The following WDR41 variants were observed in gnomAD, a reference collection of about 807,000 sequenced individuals.
WDR41 encodes the protein WD repeat domain 41, also known as WD repeat-containing protein 41.
A neutral mutation model predicts 69.3 loss-of-function variants in WDR41; 63 were observed. That is an observed-to-expected ratio of 0.91 (90% confidence interval 0.74 to 1.12). The LOEUF (loss-of-function observed/expected upper bound fraction) is 1.12. Ranked by LOEUF, WDR41 falls within the 50% of genes most tolerant of loss-of-function variation. The pLI is 0.00. For missense variants in WDR41, 543 were observed against 534.5 expected (o/e 1.02, Z -0.16); for synonymous variants, 185 against 192.1 (o/e 0.96, Z 0.31).
At chr5:77,544,833 T>C (rs1345481567) in intron 1 of WDR41, among the ~76,000 whole-genome samples, 1 of 152,070 alleles carries the variant, frequency 6.6e-6, no homozygotes, top group Non-Finnish European at 1.5e-5. Context: ...AATAGATATA[T>C]ACAGAACATT....
chr5:77,588,472 A>G (rs1366736785), intron 1 of WDR41, among the ~76,000 whole-genome samples: 2 of 152,212 alleles, frequency 1.3e-5, no homozygotes, highest in Admixed American at 6.5e-5. Context: ...CATAAGATAA[A>G]GATAAAGATT....
chr5:77,469,739 A>C (rs1283000169), intron 2 of WDR41, among the ~76,000 whole-genome samples: 1 of 91,898 alleles, frequency 1.1e-5, no homozygotes, highest in Non-Finnish European at 1.9e-5. Context: ...GAAAAAAAGG[A>C]TAAAAAGAAA....
In WDR41 at chr5:77,544,983, A is replaced by G. The variant is rs543116643; in HGVS notation, c.43-55411T>C. Among the ~76,000 whole-genome samples the G allele has an allele frequency of 4.6e-5, 7 of 152,286 alleles. No homozygotes were observed. The South Asian group carries it at 1.4e-3, about 32-fold the overall frequency. ...TGTAACAAGCACTCTCTCAGACCAC[A>G]GTGGAATAAAACTGGAAATCAACTC... On this transcript the variant is annotated intron_variant, in intron 1 of 5. Transcript: ENST00000509971.
chr5:77,610,910 C>A (rs2112340154), intron 1 of WDR41, among the ~76,000 whole-genome samples: 1 of 152,078 alleles, frequency 6.6e-6, no homozygotes, highest in South Asian at 2.1e-4. Context: ...TCAGGAAACC[C>A]ATCTCACGTG....
intron 1 of WDR41, among the ~76,000 whole-genome samples, chr5:77,512,718 C>A (rs986698243): frequency 1.4e-5 from 2 of 138,830 alleles, no homozygotes; most frequent in Non-Finnish European, 3.1e-5. Flanking sequence ...TGCACTCTAG[C>A]CTGGCGAGAG....
At chr5:77,471,824 T>C (rs1330242629) in intron 2 of WDR41, among the ~76,000 whole-genome samples, 1 of 152,126 alleles carries the variant, frequency 6.6e-6, no homozygotes, top group East Asian at 1.9e-4. Flanking sequence ...ACCAGATGGA[T>C]TCACAGCCGA....
At chr5:77,454,036 G>C in intron 5 of WDR41, 108 bp from the exon 6 acceptor site, 2 of 799,418 alleles carry the variant, frequency 2.5e-6, no homozygotes, top group South Asian at 1.6e-5. Flanking sequence ...TCACTAGGTG[G>C]AGCTTATTTC....
chr5:77,498,842 AG>A (rs1305514271), intron 1 of WDR41, among the ~76,000 whole-genome samples: 7 of 144,868 alleles, frequency 4.8e-5, no homozygotes, highest in African/African-American at 2.0e-4. Flanking sequence ...AAAAAGAAAA[AG>A]AAAAAAAGAA....
chr5:77,469,258 G>C (rs1016965736), intron 2 of WDR41, among the ~76,000 whole-genome samples: 1 of 152,124 alleles, frequency 6.6e-6, no homozygotes, highest in Non-Finnish European at 1.5e-5. Flanking sequence ...GGGGGTAGGG[G>C]GGAGGGATAG....
chr5:77,552,949 A>G (rs140761206), intron 1 of WDR41, among the ~76,000 whole-genome samples: 2,803 of 152,342 alleles, frequency 0.018, 58 homozygotes, highest in African/African-American at 0.055. Flanking sequence ...AGCAAAACAC[A>G]TGGAAGAAAG....
intron 1 of WDR41, among the ~76,000 whole-genome samples, chr5:77,553,262 T>C (rs1425703821): frequency 6.6e-6 from 1 of 152,192 alleles, no homozygotes; most frequent in Non-Finnish European, 1.5e-5. Context: ...CAGCATTTGG[T>C]ATCTGGTGAG....
At chr5:77,538,294 AACTTCC>A (rs760030237) in intron 1 of WDR41, among the ~76,000 whole-genome samples, 10 of 152,160 alleles carry the variant, frequency 6.6e-5, no homozygotes, top group Non-Finnish European at 8.8e-5. Flanking sequence ...TTTTCTAAAT[AACTTCC>A]ACTTCCACTT....
In WDR41 at chr5:77,457,996, A is replaced by G. The variant is rs902266711; in HGVS notation, c.411+1066T>C. Reference sequence around the variant, plus strand: ...GTTTACCAAAAGGAATTTCCCCCAAATACATTAAATTTTTTTCTCTTTGTT... The same window carrying G: ...GTTTACCAAAAGGAATTTCCCCCAAGTACATTAAATTTTTTTCTCTTTGTT... On this transcript the variant is annotated intron_variant, in intron 5 of 12. Transcript: ENST00000296679. 3.3e-5 allele frequency among the ~76,000 whole-genome samples: 5 copies of G among 152,050 alleles called. No homozygotes were observed. The East Asian group carries it at 5.8e-4, about 18-fold the overall frequency.
At chr5:77,447,393 G>A (rs1201807791) in intron 8 of WDR41, among the ~76,000 whole-genome samples, 1 of 152,134 alleles carries the variant, frequency 6.6e-6, no homozygotes. Context: ...AATACCATTT[G>A]ACCCAGCAAT....
chr5:77,447,467 G>A (rs754741037), intron 8 of WDR41, among the ~76,000 whole-genome samples: 7 of 152,134 alleles, frequency 4.6e-5, no homozygotes, highest in Non-Finnish European at 1.0e-4. Flanking sequence ...ACATGCACAT[G>A]TATGTTTACT....
intron 1 of WDR41, among the ~76,000 whole-genome samples, chr5:77,518,411 T>C (rs1802324279): frequency 6.6e-6 from 1 of 152,044 alleles, no homozygotes; most frequent in Non-Finnish European, 1.5e-5. Context: ...TAAAAATCAG[T>C]GAAAAGGGAA....
chr5:77,616,019 T>A (rs12657419), intron 1 of WDR41, among the ~76,000 whole-genome samples: 5,984 of 150,992 alleles, frequency 0.04, 185 homozygotes, highest in East Asian at 0.17. Context: ...ATAAATAAAT[T>A]AATTAATTAA....
chr5:77,541,298 T>C (rs992211011), intron 1 of WDR41, among the ~76,000 whole-genome samples: 2 of 151,906 alleles, frequency 1.3e-5, no homozygotes, highest in African/African-American at 4.8e-5. Flanking sequence ...GCAAAGGACA[T>C]GAACAGACAC....
chr5:77,491,927 G>T, intron 1 of WDR41: 1 of 522,610 alleles, frequency 1.9e-6, no homozygotes, highest in Non-Finnish European at 3.4e-6. Flanking sequence ...GATTCAGCTA[G>T]CCGTGGGACG....
Sources: allele counts gnomAD v4.1 joint callset (sites outside exome capture counted in the v4.1 genomes callset), GRCh38; gene constraint gnomAD v4.1.1; transcripts MANE v1.5; gene names NCBI Gene and HGNC (gene_info 2026-07-23, HGNC 2026-07-21).